Variants in PHKB observed in about 807,000 individuals in gnomAD.
The protein encoded by PHKB is phosphorylase kinase regulatory subunit beta.
In PHKB, 122 loss-of-function variants were observed where a neutral mutation model predicts 152.1. That is an observed-to-expected ratio of 0.80 (90% CI 0.69 to 0.93). The LOEUF is 0.93. Among genes scored for constraint, PHKB ranks in the 40% least tolerant of loss-of-function variants. PHKB has a pLI of 0.00. For missense variants in PHKB, 1,304 were observed against 1,328.4 expected, an observed-to-expected ratio of 0.98 and a Z score of 0.29; for synonymous variants, 436 against 464.9, an observed-to-expected ratio of 0.94 and a Z score of 0.80.
chr16:47,650,734 G>A (rs1002265189), intron 19 of PHKB, 97 bp from the exon 20 acceptor site: 3 of 1,232,426 alleles, frequency 2.4e-6, no homozygotes, highest in Non-Finnish European at 3.6e-6. Context: ...TTAGTATGTG[G>A]TGGAATACTT....
chr16:47,664,992 T>C lies in PHKB; in HGVS notation c.2427+17T>C. The C allele has an allele frequency of 6.5e-7, 1 of 1,530,436 alleles. No individual in the cohort carries two copies. The highest frequency in any genetic ancestry group is 2.2e-5 in the East Asian group (1 of 44,482). The allele number at this position is 1,530,436 out of a possible 1,614,324, so 94.8% of individuals were successfully genotyped here. A position where few individuals can be genotyped will look rare whatever the true frequency, so the allele number is the denominator to read the frequency against. On this transcript the variant is annotated intron_variant, in intron 25 of 30. Transcript: ENST00000323584. Reference sequence around the variant, plus strand: ...GGGAAACAGGTAACATGCACAGAATTTGAAAACCCAAGCTGCTTGAAATGT... The same window carrying C: ...GGGAAACAGGTAACATGCACAGAATCTGAAAACCCAAGCTGCTTGAAATGT...
chr16:47,503,862 C>T (rs1272742629), intron 4 of PHKB, among the ~76,000 whole-genome samples: 1 of 152,094 alleles, frequency 6.6e-6, no homozygotes, highest in Non-Finnish European at 1.5e-5. Context: ...AACAGCTTTA[C>T]AGCGTTATGT....
At position 47,648,621 on chromosome 16, in the gene PHKB, T is replaced by C. The variant is rs768463929; in HGVS notation, c.1692+5T>C. On this transcript the variant is annotated splice_donor_5th_base_variant and intron_variant, in intron 17 of 30. Transcript: ENST00000323584. ...GGCTGCCTCGGGACATCAAAGGTACTCATGAAATGTCCTCAAAAAGTAGTT... is the reference window on the plus strand; with the variant it reads ...GGCTGCCTCGGGACATCAAAGGTACCCATGAAATGTCCTCAAAAAGTAGTT... 3 of 1,595,654 alleles carry C rather than the reference T, an allele frequency of 1.9e-6. No homozygotes were observed. Among genetic ancestry groups the C allele is most frequent in the South Asian group, 1.1e-5 (1 of 90,706 alleles).
chr16:47,693,272 G>T (rs1974093343), intron 27 of PHKB, 106 bp from the exon 28 acceptor site: 1 of 1,127,400 alleles, frequency 8.9e-7, no homozygotes, highest in East Asian at 2.4e-5. Context: ...ATGGGCTTTG[G>T]CTTTTATTTC....
intron 6 of PHKB, among the ~76,000 whole-genome samples, chr16:47,517,929 T>C (rs964201442): frequency 5.9e-5 from 9 of 152,186 alleles, no homozygotes; most frequent in African/African-American, 2.2e-4. Flanking sequence ...TTCTGTATAA[T>C]GTGTTGGATC....
intron 7 of PHKB, among the ~76,000 whole-genome samples, chr16:47,563,012 T>G (rs1429144884): frequency 6.6e-6 from 1 of 152,132 alleles, no homozygotes; most frequent in Non-Finnish European, 1.5e-5. Context: ...CCTCATCCAT[T>G]CAAGTTTTAT....
chr16:47,523,827 A>G (rs929331325), intron 6 of PHKB, among the ~76,000 whole-genome samples: 1 of 152,240 alleles, frequency 6.6e-6, no homozygotes, highest in Non-Finnish European at 1.5e-5. Flanking sequence ...TCATTTAAAG[A>G]AAAGCTCTTA....
At chr16:47,627,805 A>G (rs561982626) in intron 14 of PHKB, among the ~76,000 whole-genome samples, 2 of 152,334 alleles carry the variant, frequency 1.3e-5, no homozygotes, top group East Asian at 3.9e-4. Context: ...TGGAAATGTC[A>G]GAACAAGATG....
At chr16:47,507,550 G>A (rs1970441189) in intron 4 of PHKB, among the ~76,000 whole-genome samples, 2 of 145,328 alleles carry the variant, frequency 1.4e-5, no homozygotes, top group African/African-American at 2.5e-5. Context: ...TAGAGACAGG[G>A]TCTCACTATA....
At chr16:47,620,503 T>C (rs1972597922) in intron 14 of PHKB, among the ~76,000 whole-genome samples, 3 of 152,226 alleles carry the variant, frequency 2.0e-5, no homozygotes, top group African/African-American at 7.2e-5. Context: ...AATTAACCTA[T>C]GGGAGCAGAC....
At chr16:47,656,098 C>T (rs1018351858) in intron 20 of PHKB, among the ~76,000 whole-genome samples, 1 of 151,972 alleles carries the variant, frequency 6.6e-6, no homozygotes, top group Admixed American at 6.6e-5. Context: ...CTCACTGCAA[C>T]CTCCACCTCC....
At chr16:47,497,317 G>A (rs1970248599) in intron 1 of PHKB, 82 bp from the exon 2 acceptor site, 2 of 845,340 alleles carry the variant, frequency 2.4e-6, no homozygotes, top group South Asian at 2.9e-5. Context: ...ATTAAGCACT[G>A]CTTCTTCATT....
chr16:47,666,152 G>C, intron 25 of PHKB: 1 of 749,038 alleles, frequency 1.3e-6, no homozygotes, highest in Non-Finnish European at 2.4e-6. Context: ...AGATTTATAA[G>C]GGCTCAGGCA....
In PHKB at chr16:47,503,100, TGTG is replaced by T; in HGVS notation, c.405+14_405+16del. 6.6e-7 allele frequency: 1 copy of T among 1,506,822 alleles called. No homozygotes were observed. Among genetic ancestry groups the T allele is most frequent in the Non-Finnish European group, 9.2e-7 (1 of 1,082,246 alleles). The allele number at this position is 1,506,822 out of a possible 1,614,324, so 93.3% of individuals were successfully genotyped here. A position where few individuals can be genotyped will look rare whatever the true frequency, so the allele number is the denominator to read the frequency against. ...GCGTCAGGCCGATAAGGTAAAACAT[TGTG>T]GTGTGGACGGGAATTCTCCCATCAT... On this transcript the variant is annotated intron_variant, in intron 4 of 30. Transcript: ENST00000323584.
chr16:47,598,776 T>C (rs1409996532), intron 13 of PHKB: 9 of 1,582,738 alleles, frequency 5.7e-6, no homozygotes, highest in Non-Finnish European at 6.9e-6. Flanking sequence ...CCTCTTCTAA[T>C]TGACTGCCTT....
intron 1 of PHKB, among the ~76,000 whole-genome samples, chr16:47,476,216 C>T (rs893150983): frequency 2.0e-5 from 3 of 152,008 alleles, no homozygotes; most frequent in Non-Finnish European, 2.9e-5. Context: ...TTATGTAGTC[C>T]ACTGGTAGTT....
chr16:47,500,023 C>T (rs1970298656), intron 3 of PHKB, 129 bp downstream of exon 3: 7 of 1,016,552 alleles, frequency 6.9e-6, no homozygotes, highest in South Asian at 2.6e-5. Flanking sequence ...CTGCTCACAT[C>T]CCTTTTTAGG....
intron 6 of PHKB, among the ~76,000 whole-genome samples, chr16:47,541,997 T>C (rs139514320): frequency 1.9e-3 from 288 of 152,320 alleles, no homozygotes; most frequent in African/African-American, 6.5e-3. Flanking sequence ...GCTCTTTAGT[T>C]TAATTAGATA....
chr16:47,659,374 A>G (rs1212669080), intron 20 of PHKB, among the ~76,000 whole-genome samples: 2 of 152,162 alleles, frequency 1.3e-5, no homozygotes, highest in African/African-American at 2.4e-5. Context: ...AGAAAATAAT[A>G]TATGTTATAA....
Sources: gnomAD v4.1 joint callset for allele counts (sites outside exome capture counted in the v4.1 genomes callset) on GRCh38, gnomAD v4.1.1 for gene constraint, MANE v1.5 for transcripts, NCBI Gene and HGNC (gene_info 2026-07-23, HGNC 2026-07-21) for gene names.